SLC38A1: variants seen among roughly 807,000 people sequenced by gnomAD.
SLC38A1 encodes the protein sodium-coupled neutral amino acid symporter 1.
SLC38A1 carries 18 observed loss-of-function variants against 60.3 expected under a neutral mutation model. The observed-to-expected ratio is 0.30, with a 90% confidence interval of 0.21 to 0.44. The LOEUF (loss-of-function observed/expected upper bound fraction) is 0.44. Among genes scored for constraint, SLC38A1 ranks in the 20% least tolerant of loss-of-function variants. The probability of loss-of-function intolerance (pLI) is 1.00; values close to 1 mark genes in which losing one functional copy is unlikely to be tolerated. For missense variants in SLC38A1, 448 were observed against 587.2 expected, an observed-to-expected ratio of 0.76 and a Z score of 2.45; for synonymous variants, 196 against 212.1, an observed-to-expected ratio of 0.92 and a Z score of 0.66.
At chr12:46,209,551 C>T (rs941957007) in intron 5 of SLC38A1, among the ~76,000 whole-genome samples, 7 of 152,160 alleles carry the variant, frequency 4.6e-5, no homozygotes, top group African/African-American at 1.7e-4. Flanking sequence ...GGGCAACTTG[C>T]TTAACATTCC....
chr12:46,230,016 C>T (rs952980975), intron 3 of SLC38A1, among the ~76,000 whole-genome samples: 4 of 152,250 alleles, frequency 2.6e-5, no homozygotes, highest in Admixed American at 2.0e-4. Flanking sequence ...TAAATTTAAA[C>T]ACTATATGCA....
chr12:46,240,490 C>A (rs1385927790), intron 2 of SLC38A1, among the ~76,000 whole-genome samples: 1 of 152,168 alleles, frequency 6.6e-6, no homozygotes, highest in Non-Finnish European at 1.5e-5. Flanking sequence ...GCCACCGCAC[C>A]CGGCCTGAAG....
At chr12:46,219,471 C>T (rs575876335) in intron 5 of SLC38A1, among the ~76,000 whole-genome samples, 54 of 152,294 alleles carry the variant, frequency 3.5e-4, no homozygotes, top group African/African-American at 1.0e-3. Context: ...AAGGAGGCTG[C>T]GGGTGGCTTT....
chr12:46,246,654 T>A (rs1941630077), intron 1 of SLC38A1, among the ~76,000 whole-genome samples: 1 of 152,190 alleles, frequency 6.6e-6, no homozygotes, highest in Admixed American at 6.5e-5. Context: ...AAGGGAGCAG[T>A]GGTTCTCCCA....
chr12:46,243,568 T>G (rs56988021), intron 1 of SLC38A1, among the ~76,000 whole-genome samples: 3 of 151,906 alleles, frequency 2.0e-5, no homozygotes, highest in Non-Finnish European at 4.4e-5. Context: ...CAGATGGAGA[T>G]GGGGCCTGAG....
At chr12:46,192,267 A>G (rs1245455513) in intron 16 of SLC38A1, among the ~76,000 whole-genome samples, 2 of 152,254 alleles carry the variant, frequency 1.3e-5, no homozygotes, top group African/African-American at 4.8e-5. Flanking sequence ...GCAGCCTTGC[A>G]TCCCAGGGAT....
At chr12:46,265,198 G>T (rs1173635753) in intron 1 of SLC38A1, among the ~76,000 whole-genome samples, 1 of 152,132 alleles carries the variant, frequency 6.6e-6, no homozygotes, top group Non-Finnish European at 1.5e-5. Flanking sequence ...TTCCCATTTA[G>T]CAAAAGAAAA....
intron 5 of SLC38A1, among the ~76,000 whole-genome samples, chr12:46,215,630 A>G (rs1940373857): frequency 6.6e-6 from 1 of 151,706 alleles, no homozygotes; most frequent in Non-Finnish European, 1.5e-5. Flanking sequence ...CTGATCTCAA[A>G]CTCCTGACCT....
At chr12:46,195,440 G>A (rs866999052) in intron 16 of SLC38A1, among the ~76,000 whole-genome samples, 5 of 152,194 alleles carry the variant, frequency 3.3e-5, no homozygotes, top group Middle Eastern at 3.2e-3. Flanking sequence ...CTTGGAGCTC[G>A]AATGCCATGC....
rs1592285640 is a variant in SLC38A1, at chr12:46,187,788, T to G, written c.*1182A>C. On this transcript the variant is annotated 3_prime_UTR_variant, in exon 17 of 17. Coordinates refer to ENST00000398637, the MANE Select transcript of SLC38A1 (RefSeq NM_030674.4). ...ACAAAGACTATCTCTGAGGGTTTTT[T>G]TTTTTTTTTTTTCACAAGACTAGAT... 1.3e-5 allele frequency: 2 copies of G among 151,404 alleles called. No homozygotes were observed. The highest frequency in any genetic ancestry group is 6.6e-5 in the Admixed American group (1 of 15,220). The allele number at this position is 151,404 out of a possible 1,614,324, so 9.4% of individuals were successfully genotyped here.
rs1000763774 is a variant in SLC38A1 at position 46,183,706 on chromosome 12, T to C, written c.*5264A>G. On this transcript the variant is annotated 3_prime_UTR_variant, in exon 17 of 17. Transcript: ENST00000398637. The stretch of plus-strand genomic sequence containing the variant: ...TATAGGACAAGGATTTGTGTCTAAA[T>C]ATTCCTTACTTGTATCTCAGAGGAC... 6.6e-6 allele frequency: 1 copy of C among 152,238 alleles called. No individual in the cohort carries two copies. The highest frequency in any genetic ancestry group is 1.5e-5 in the Non-Finnish European group (1 of 68,042). The allele number at this position is 152,238 out of a possible 1,614,324, so 9.4% of individuals were successfully genotyped here. A position where few individuals can be genotyped will look rare whatever the true frequency, so the allele number is the denominator to read the frequency against.
chr12:46,240,552 G>A (rs1941412470), intron 2 of SLC38A1, among the ~76,000 whole-genome samples: 1 of 152,152 alleles, frequency 6.6e-6, no homozygotes, highest in African/African-American at 2.4e-5. Flanking sequence ...TCAGATCGCA[G>A]AGCACACACA....
intron 1 of SLC38A1, among the ~76,000 whole-genome samples, chr12:46,262,127 A>C (rs1053894472): frequency 7.2e-5 from 11 of 152,352 alleles, no homozygotes; most frequent in African/African-American, 2.4e-4. Context: ...CAAATTGCCC[A>C]GTGCATCCTA....
At chr12:46,212,685 G>C (rs1940228702) in intron 5 of SLC38A1, among the ~76,000 whole-genome samples, 1 of 152,152 alleles carries the variant, frequency 6.6e-6, no homozygotes, top group East Asian at 1.9e-4. Context: ...TAGAATTCTA[G>C]ACTCCTGAAG....
intron 2 of SLC38A1, among the ~76,000 whole-genome samples, chr12:46,241,588 T>G (rs1007162410): frequency 3.9e-5 from 6 of 152,242 alleles, no homozygotes; most frequent in Non-Finnish European, 5.9e-5. Flanking sequence ...ACTCCTGGTC[T>G]GAGGCTGATT....
At chr12:46,205,972 C>A (rs1002672832) in intron 9 of SLC38A1, 108 bp downstream of exon 9, 1 of 616,430 alleles carries the variant, frequency 1.6e-6, no homozygotes, top group Non-Finnish European at 2.9e-6. Context: ...TGTACTTAAT[C>A]TTTGAGTGCA....
chr12:46,266,204 T>C (rs1942346692), intron 1 of SLC38A1, among the ~76,000 whole-genome samples: 4 of 152,072 alleles, frequency 2.6e-5, no homozygotes, highest in African/African-American at 7.2e-5. Flanking sequence ...TGCTGGACAT[T>C]AGAGGAACAA....
At chr12:46,250,440 C>T (rs941588993) in intron 1 of SLC38A1, among the ~76,000 whole-genome samples, 9 of 152,158 alleles carry the variant, frequency 5.9e-5, no homozygotes, top group African/African-American at 9.7e-5. Context: ...GACAGGGATG[C>T]CCGCTCTTAC....
intron 1 of SLC38A1, among the ~76,000 whole-genome samples, chr12:46,267,031 A>G (rs1455287521): frequency 1.3e-5 from 2 of 152,130 alleles, no homozygotes; most frequent in Admixed American, 1.3e-4. Context: ...CTCAGGTTTT[A>G]TTTCCGTTGT....
Sources: gnomAD v4.1 joint callset for allele counts (sites outside exome capture counted in the v4.1 genomes callset) on GRCh38, gnomAD v4.1.1 for gene constraint, MANE v1.5 for transcripts, NCBI Gene and HGNC (gene_info 2026-07-23, HGNC 2026-07-21) for gene names.